WWOX: variants seen among roughly 807,000 people sequenced by gnomAD.
WWOX encodes WW domain containing oxidoreductase.
Under a neutral mutation model 46.2 loss-of-function variants are expected in WWOX, and 69 were observed. The observed-to-expected ratio is 1.49, with a 90% confidence interval of 1.23 to 1.82. WWOX has a LOEUF of 1.82. WWOX is among the 40% of genes most tolerant of loss of function. WWOX has a pLI of 0.00. For missense variants in WWOX, 919 were observed against 542.6 expected (o/e 1.69, Z -6.89); for synonymous variants, 359 against 202.6 (o/e 1.77, Z -6.56).
intron 5 of WWOX, among the ~76,000 whole-genome samples, chr16:78,375,557 G>T (rs969945971): frequency 1.3e-5 from 2 of 152,308 alleles, no homozygotes; most frequent in African/African-American, 2.4e-5. Flanking sequence ...ATAAATGTCA[G>T]TGTGAATTAT....
intron 8 of WWOX, among the ~76,000 whole-genome samples, chr16:79,024,723 C>A (rs527644145): frequency 1.5e-4 from 23 of 152,250 alleles, no homozygotes; most frequent in African/African-American, 5.3e-4. Context: ...GCATGAGCCA[C>A]CATGCCTGGC....
At chr16:78,621,547 A>G (rs765181802) in intron 8 of WWOX, among the ~76,000 whole-genome samples, 7 of 139,552 alleles carry the variant, frequency 5.0e-5, no homozygotes, top group Non-Finnish European at 9.2e-5. Flanking sequence ...ATTGGCCAGT[A>G]TATTCAATGA....
At chr16:78,599,172 G>A (rs1379895663) in intron 8 of WWOX, among the ~76,000 whole-genome samples, 1 of 152,138 alleles carries the variant, frequency 6.6e-6, no homozygotes, top group Non-Finnish European at 1.5e-5. Flanking sequence ...TCCAGTCCCG[G>A]GATCAAGACA....
At chr16:78,740,448 C>A (rs966001450) in intron 8 of WWOX, among the ~76,000 whole-genome samples, 3 of 152,086 alleles carry the variant, frequency 2.0e-5, no homozygotes, top group Admixed American at 6.5e-5. Flanking sequence ...CGGCTGGCTG[C>A]GGAAGGGAGG....
At chr16:78,592,313 T>C (rs2045370542) in intron 8 of WWOX, among the ~76,000 whole-genome samples, 1 of 152,244 alleles carries the variant, frequency 6.6e-6, no homozygotes, top group Non-Finnish European at 1.5e-5. Context: ...TGTGGAATTT[T>C]GGCAAGGCTA....
At chr16:78,694,248 G>A (rs928428129) in intron 8 of WWOX, among the ~76,000 whole-genome samples, 9 of 152,060 alleles carry the variant, frequency 5.9e-5, no homozygotes, top group African/African-American at 1.4e-4. Flanking sequence ...TTTAGAAATG[G>A]TACAGTCAGA....
intron 8 of WWOX, among the ~76,000 whole-genome samples, chr16:78,465,587 C>A (rs1268995071): frequency 6.6e-6 from 1 of 152,202 alleles, no homozygotes; most frequent in African/African-American, 2.4e-5. Context: ...CACATGGACC[C>A]ATAATCTCTG....
At chr16:78,609,494 C>T (rs746281205) in intron 8 of WWOX, among the ~76,000 whole-genome samples, 40 of 151,416 alleles carry the variant, frequency 2.6e-4, no homozygotes, top group Non-Finnish European at 5.6e-4. Flanking sequence ...AAAATGTTTT[C>T]TGGTCAAGTC....
chr16:78,484,868 A>G (rs1285801397), intron 8 of WWOX, among the ~76,000 whole-genome samples: 1 of 152,106 alleles, frequency 6.6e-6, no homozygotes, highest in Non-Finnish European at 1.5e-5. Flanking sequence ...ATTTGTCTCC[A>G]TTTCTGTCCC....
chr16:78,725,771 G>C (rs1487504488), intron 8 of WWOX, among the ~76,000 whole-genome samples: 2 of 151,978 alleles, frequency 1.3e-5, no homozygotes, highest in Non-Finnish European at 2.9e-5. Flanking sequence ...AAGGCTCCAG[G>C]GATGATCTAC....
At chr16:78,488,598 C>T (rs1052036065) in intron 8 of WWOX, among the ~76,000 whole-genome samples, 7 of 152,104 alleles carry the variant, frequency 4.6e-5, no homozygotes, top group African/African-American at 1.7e-4. Context: ...ACCCGAGAGA[C>T]CGTGGAGCTG....
chr16:78,392,779 C>G (rs975703704), intron 6 of WWOX, among the ~76,000 whole-genome samples: 18 of 152,142 alleles, frequency 1.2e-4, no homozygotes, highest in African/African-American at 3.1e-4. Context: ...AGAGTACACA[C>G]AGGCCTGATT....
chr16:78,535,856 C>T (rs570592619), intron 8 of WWOX, among the ~76,000 whole-genome samples: 4 of 152,150 alleles, frequency 2.6e-5, no homozygotes, highest in Non-Finnish European at 5.9e-5. Flanking sequence ...TGACCTAGAG[C>T]AAGGGGTTTA....
intron 8 of WWOX, among the ~76,000 whole-genome samples, chr16:79,055,063 T>A (rs1175424914): frequency 6.6e-6 from 1 of 152,132 alleles, no homozygotes; most frequent in African/African-American, 2.4e-5. Flanking sequence ...AGACCTAAAA[T>A]GGTATAAATG....
At chr16:78,977,223 AG>A (rs1567453960) in intron 8 of WWOX, among the ~76,000 whole-genome samples, 1 of 152,106 alleles carries the variant, frequency 6.6e-6, no homozygotes, top group Non-Finnish European at 1.5e-5. Flanking sequence ...CAGACAGGAG[AG>A]CCCTGAGAGC....
At chr16:78,515,672 C>G (rs1056124963) in intron 8 of WWOX, among the ~76,000 whole-genome samples, 2 of 152,206 alleles carry the variant, frequency 1.3e-5, no homozygotes, top group Non-Finnish European at 2.9e-5. Context: ...CTCCTCGCAG[C>G]CGCTCCCTTC....
intron 8 of WWOX, among the ~76,000 whole-genome samples, chr16:78,578,411 T>C (rs2044958873): frequency 6.8e-6 from 1 of 146,790 alleles, no homozygotes; most frequent in South Asian, 2.3e-4. Flanking sequence ...TGCCTCAGCC[T>C]CCTGAGTAGC....
At chr16:78,905,517 G>T (rs1316372885) in intron 8 of WWOX, among the ~76,000 whole-genome samples, 1 of 152,148 alleles carries the variant, frequency 6.6e-6, no homozygotes, top group Non-Finnish European at 1.5e-5. Context: ...GTGTAGTGGA[G>T]ACCATAGGCA....
At chr16:78,244,040 T>A (rs7187665) in intron 5 of WWOX, among the ~76,000 whole-genome samples, 2 of 151,978 alleles carry the variant, frequency 1.3e-5, no homozygotes, top group African/African-American at 4.8e-5. Context: ...CACTGCGGCT[T>A]AGCCTGTGGT....
Sources: allele counts gnomAD v4.1 joint callset (sites outside exome capture counted in the v4.1 genomes callset), GRCh38; gene constraint gnomAD v4.1.1; transcripts MANE v1.5; gene names NCBI Gene and HGNC (gene_info 2026-07-23, HGNC 2026-07-21).